IER5L: variants seen among roughly 807,000 people sequenced by gnomAD.
The protein encoded by IER5L is immediate early response 5 like.
A neutral mutation model predicts 28.3 loss-of-function variants in IER5L; 6 were observed. The observed-to-expected ratio is 0.21, with a 90% confidence interval of 0.12 to 0.42. The LOEUF is 0.42. Among genes scored for constraint, IER5L ranks in the 10% least tolerant of loss-of-function variants. IER5L has a pLI of 1.00. For missense variants in IER5L, 607 were observed against 575.2 expected (o/e 1.06, Z -0.56); for synonymous variants, 351 against 282.5 (o/e 1.24, Z -2.43).
chr9:129,177,339 GC>G lies in IER5L; in HGVS notation c.713del (p.Gly238AlafsTer22). 1 of 1,311,466 alleles carries G rather than the reference GC, an allele frequency of 7.6e-7. No homozygotes were observed. Among genetic ancestry groups the G allele is most frequent in the Non-Finnish European group, 9.7e-7 (1 of 1,028,144 alleles). The allele number at this position is 1,311,466 out of a possible 1,614,324, so 81.2% of individuals were successfully genotyped here. On this transcript the variant is annotated frameshift_variant, in exon 1 of 1. Coordinates refer to ENST00000372491, the MANE Select transcript of IER5L (RefSeq NM_203434.3). LOFTEE classifies it high-confidence loss of function. Reference sequence around the variant, plus strand: ...CGAAGTCCGAAGGGGTAGGGTATGCGCCCCGGTAGAAGCCGGGGGAGGAGGC... The same window carrying G: ...CGAAGTCCGAAGGGGTAGGGTATGCGCCCGGTAGAAGCCGGGGGAGGAGGC... Reference protein sequence around the residue: ...APASSPGFYRGAYPTPSDFGL... With the variant: ...APASSPGFYRXAYPTPSDFGL...
At position 129,177,786 on chromosome 9, in the gene IER5L, G is replaced by C; in HGVS notation, c.267C>G (p.Phe89Leu). The C allele has an allele frequency of 6.7e-7, 1 of 1,489,772 alleles. No homozygotes were observed. The highest frequency in any genetic ancestry group is 1.3e-5 in the South Asian group (1 of 78,746). 92.3% of individuals were successfully genotyped at this position (1,489,772 alleles called of 1,614,324 possible). A position where few individuals can be genotyped will look rare whatever the true frequency, so the allele number is the denominator to read the frequency against. ...CGCCGCCGCCAAGTTGGAGCGGGCC[G>C]AAGTCGGCCGCGCTGGCCGGCATGC... ...APGMPASAAD[F>L]GPLQLGGGGD... is the part of the protein sequence containing the mutation. The change falls in exon 1 of 1, where the codon TTC (phenylalanine) becomes TTG (leucine). Residue 89 changes from phenylalanine (F) to leucine (L), a missense_variant. Transcript: ENST00000372491.
Position 129,177,847 on chromosome 9 carries a change from T to C in IER5L, c.206A>G (p.His69Arg). ...QQQQQQQQPP[H>R]HQHQHLAYAA... ...GTACGCTAGGTGCTGGTGCTGGTGG[T>C]GGGGCGGCTGCTGCTGTTGCTGCTG... The change falls in exon 1 of 1, where the codon CAC becomes CGC. Residue 69 changes from histidine (H) to arginine (R), a missense_variant. Physicochemically the swap from His to Arg is conservative, Grantham distance 29 (BLOSUM62 0). Transcript: ENST00000372491. The C allele has an allele frequency of 6.5e-7, 1 of 1,539,126 alleles. No homozygotes were observed. Among genetic ancestry groups the C allele is most frequent in the Non-Finnish European group, 8.7e-7 (1 of 1,143,624 alleles).
chr9:129,178,103 G>A lies in IER5L; in HGVS notation c.-51C>T, dbSNP rs1829443527. The A allele has an allele frequency of 7.4e-7, 1 of 1,344,174 alleles. No individual in the cohort carries two copies. Among genetic ancestry groups the A allele is most frequent in the South Asian group, 1.9e-5 (1 of 53,714 alleles). 83.3% of individuals were successfully genotyped at this position (1,344,174 alleles called of 1,614,324 possible). On this transcript the variant is annotated 5_prime_UTR_variant, in exon 1 of 1. Transcript: ENST00000372491. ...AGCCGCCGCCGCTGCTGCTGTTAAC[G>A]CTTCTGCTGTTTCTGCCTCCAGCCG...
At position 129,177,962 on chromosome 9, in the gene IER5L, G is replaced by A; in HGVS notation, c.91C>T (p.His31Tyr). The A allele has an allele frequency of 6.3e-7, 1 of 1,591,788 alleles. No homozygotes were observed. The highest frequency in any genetic ancestry group is 1.7e-5 in the Admixed American group (1 of 57,640). The change falls in exon 1 of 1, where the codon CAC (histidine) becomes TAC (tyrosine). Residue 31 changes from histidine (H) to tyrosine (Y), a missense_variant. Physicochemically the swap from His to Tyr is moderately conservative, Grantham distance 83 (BLOSUM62 2). Coordinates refer to ENST00000372491, the MANE Select transcript of IER5L (RefSeq NM_203434.3). ...SRTQRGGIKL[H>Y]KNLLVSYVLR... Reference sequence around the variant, plus strand: ...ACGTAGGACACCAGGAGGTTCTTGTGCAGCTTGATGCCGCCGCGCTGGGTT... The same window carrying A: ...ACGTAGGACACCAGGAGGTTCTTGTACAGCTTGATGCCGCCGCGCTGGGTT...
chr9:129,176,732 C>G lies in IER5L; in HGVS notation c.*106G>C, dbSNP rs1829408821. The G allele has an allele frequency of 7.3e-7, 1 of 1,373,048 alleles. No individual in the cohort carries two copies. The highest frequency in any genetic ancestry group is 9.4e-7 in the Non-Finnish European group (1 of 1,064,246). 85.1% of individuals were successfully genotyped at this position (1,373,048 alleles called of 1,614,324 possible). ...CTGCCCCCGCTCGCCCCCAGCTCAG[C>G]CCCGAGTGGCCCGGCGCCCGCTCGT... On this transcript the variant is annotated 3_prime_UTR_variant, in exon 1 of 1. Coordinates refer to ENST00000372491, the MANE Select transcript of IER5L (RefSeq NM_203434.3).
rs1829438386 is a variant in IER5L at position 129,177,834 on chromosome 9, C to G, written c.219G>C (p.Gln73His). 1 of 1,535,696 alleles carries G rather than the reference C, an allele frequency of 6.5e-7. No homozygotes were observed. The highest frequency in any genetic ancestry group is 2.0e-5 in the Admixed American group (1 of 50,298). The change falls in exon 1 of 1, where the codon CAG (glutamine) becomes CAC (histidine). Residue 73 changes from glutamine (Q) to histidine (H), a missense_variant. Gln to His is a conservative substitution (Grantham distance 24). Coordinates refer to ENST00000372491, the MANE Select transcript of IER5L (RefSeq NM_203434.3). ...QQQQPPHHQH[Q>H]HLAYAAPGMP... ...TGCCCGGCGCCGCGTACGCTAGGTG[C>G]TGGTGCTGGTGGTGGGGCGGCTGCT... is the stretch of plus-strand genomic sequence containing the variant.
In IER5L at chr9:129,177,624, GGCCGCCGCC is replaced by G. The variant is rs749690776; in HGVS notation, c.420_428del (p.Ala141_Ala143del). Reference sequence around the variant, plus strand: ...CCCCCGCGCCGCCCGCGGGCGCTCCGGCCGCCGCCGCCGCCGCGCAGCCCCTGGGCGCCG... The same window carrying G: ...CCCCCGCGCCGCCCGCGGGCGCTCCGGCCGCCGCGCAGCCCCTGGGCGCCG... On this transcript the variant is annotated inframe_deletion, in exon 1 of 1. Coordinates refer to ENST00000372491, the MANE Select transcript of IER5L (RefSeq NM_203434.3). 6 of 1,137,942 alleles carry G rather than the reference GGCCGCCGCC, an allele frequency of 5.3e-6. No individual in the cohort carries two copies. The highest frequency in any genetic ancestry group is 5.0e-5 in the Admixed American group (1 of 19,842). The allele number at this position is 1,137,942 out of a possible 1,614,324, so 70.5% of individuals were successfully genotyped here.
At position 129,177,145 on chromosome 9, in the gene IER5L, T is replaced by C. The variant is rs779935365; in HGVS notation, c.908A>G (p.Lys303Arg). The change falls in exon 1 of 1, where the codon AAG (lysine) becomes AGG (arginine). Residue 303 changes from lysine to arginine, a missense_variant. Physicochemically the swap from Lys to Arg is conservative, Grantham distance 26. Transcript: ENST00000372491. The stretch of plus-strand genomic sequence containing the variant: ...CTCCTCCTCCTGGCCAGGGTAATAC[T>C]TGCGCTTGCAGCCGGCGGCGGACGC... Reference protein sequence around the residue: ...GLASAAGCKRKYYPGQEEEED... With the variant: ...GLASAAGCKRRYYPGQEEEED... 4.8e-6 allele frequency: 7 copies of C among 1,463,590 alleles called. No homozygotes were observed. The highest frequency in any genetic ancestry group is 6.3e-6 in the Non-Finnish European group (7 of 1,109,950). 90.7% of individuals were successfully genotyped at this position (1,463,590 alleles called of 1,614,324 possible). A position where few individuals can be genotyped will look rare whatever the true frequency, so the allele number is the denominator to read the frequency against.
At position 129,177,161 on chromosome 9, in the gene IER5L, C is replaced by T. The variant is rs1829416949; in HGVS notation, c.892G>A (p.Ala298Thr). 1 of 1,472,572 alleles carries T rather than the reference C, an allele frequency of 6.8e-7. No individual in the cohort carries two copies. Among genetic ancestry groups the T allele is most frequent in the Non-Finnish European group, 9.0e-7 (1 of 1,115,602 alleles). The allele number at this position is 1,472,572 out of a possible 1,614,324, so 91.2% of individuals were successfully genotyped here. A position where few individuals can be genotyped will look rare whatever the true frequency, so the allele number is the denominator to read the frequency against. The change falls in exon 1 of 1, where the codon GCC (alanine) becomes ACC (threonine). Residue 298 changes from alanine (A) to threonine (T), a missense_variant. Coordinates refer to ENST00000372491, the MANE Select transcript of IER5L (RefSeq NM_203434.3). ...GGGTAATACTTGCGCTTGCAGCCGG[C>T]GGCGGACGCCAGGCCCGGTCCCGGA... ...GAPGPGLASA[A>T]GCKRKYYPGQ...
rs1219044502 is a variant in IER5L at position 129,176,802 on chromosome 9, C to A, written c.*36G>T. The A allele has an allele frequency of 6.7e-7, 1 of 1,493,062 alleles. No homozygotes were observed. Among genetic ancestry groups the A allele is most frequent in the Non-Finnish European group, 8.9e-7 (1 of 1,126,986 alleles). 92.5% of individuals were successfully genotyped at this position (1,493,062 alleles called of 1,614,324 possible). On this transcript the variant is annotated 3_prime_UTR_variant, in exon 1 of 1. Coordinates refer to ENST00000372491, the MANE Select transcript of IER5L (RefSeq NM_203434.3). ...GCCGAGTCTTTGTCTGGCCCCAGCC[C>A]CGCGGGGCCCCGGGTCCCTGTGCCC...
rs1482536100 is a variant in IER5L at position 129,175,702 on chromosome 9, C to A, written c.*1136G>T. ...TTGGCAACTCGTTTTGGAGTCCACA[C>A]GGTGCTGATGGCAGAGAACCAGAGG... On this transcript the variant is annotated 3_prime_UTR_variant, in exon 1 of 1. Coordinates refer to ENST00000372491, the MANE Select transcript of IER5L (RefSeq NM_203434.3). The surrounding 1 kb of genome is among the most constrained non-coding windows in gnomAD (Gnocchi z 5.2). The A allele has an allele frequency of 2.6e-5, 4 of 152,258 alleles. No individual in the cohort carries two copies. Among genetic ancestry groups the A allele is most frequent in the African/African-American group, 9.7e-5 (4 of 41,448 alleles). The allele number at this position is 152,258 out of a possible 1,614,324, so 9.4% of individuals were successfully genotyped here.
In IER5L at chr9:129,177,307, T is replaced by C. The variant is rs1200714445; in HGVS notation, c.746A>G (p.His249Arg). The C allele has an allele frequency of 2.1e-6, 3 of 1,421,980 alleles. No homozygotes were observed. Among genetic ancestry groups the C allele is most frequent in the East Asian group, 2.8e-5 (1 of 36,338 alleles). The allele number at this position is 1,421,980 out of a possible 1,614,324, so 88.1% of individuals were successfully genotyped here. A position where few individuals can be genotyped will look rare whatever the true frequency, so the allele number is the denominator to read the frequency against. The change falls in exon 1 of 1, where the codon CAC becomes CGC. Residue 249 changes from histidine (H) to arginine (R), a missense_variant. By Grantham distance (29) the His-to-Arg change is conservative. Transcript: ENST00000372491. ...AYPTPSDFGL[H>R]CSSQTTVLDL... Reference sequence around the variant, plus strand: ...CAGCACGGTGGTCTGGCTGCTGCAGTGCAAGCCGAAGTCCGAAGGGGTAGG... The same window carrying C: ...CAGCACGGTGGTCTGGCTGCTGCAGCGCAAGCCGAAGTCCGAAGGGGTAGG...
rs924992108 is a variant in IER5L, at chr9:129,178,233, G to A, written c.-181C>T. The A allele has an allele frequency of 5.6e-5, 27 of 478,118 alleles. No individual in the cohort carries two copies. The highest frequency in any genetic ancestry group is 7.1e-5 in the East Asian group (2 of 28,072). The allele number at this position is 478,118 out of a possible 1,614,324, so 29.6% of individuals were successfully genotyped here. A position where few individuals can be genotyped will look rare whatever the true frequency, so the allele number is the denominator to read the frequency against. On this transcript the variant is annotated 5_prime_UTR_variant, in exon 1 of 1. Coordinates refer to ENST00000372491, the MANE Select transcript of IER5L (RefSeq NM_203434.3). ...CGCCGCGCGCCACCCGCGGGCTCGC[G>A]CTCCCCAGACGGCGCCAAAGCAATG...
rs1385323061 is a variant in IER5L at position 129,176,889 on chromosome 9, C to T, written c.1164G>A (p.Lys388=). 1.2e-6 allele frequency: 2 copies of T among 1,601,578 alleles called. No homozygotes were observed. The highest frequency in any genetic ancestry group is 1.7e-6 in the Non-Finnish European group (2 of 1,175,340). ...PPPLNGQLCA[K]QALASLGAWT... is the part of the protein sequence containing the mutation. ...AGGCGCCGAGGCTGGCGAGCGCCTG[C>T]TTGGCGCACAGCTGCCCGTTGAGCG... The change falls in exon 1 of 1, where the codon AAG becomes AAA. Residue 388 remains lysine (K), a synonymous_variant. Transcript: ENST00000372491.
At position 129,178,112 on chromosome 9, in the gene IER5L, G is replaced by A. The variant is rs1304311253; in HGVS notation, c.-60C>T. Reference sequence around the variant, plus strand: ...CGCTGCTGCTGTTAACGCTTCTGCTGTTTCTGCCTCCAGCCGGCCGCCGGG... The same window carrying A: ...CGCTGCTGCTGTTAACGCTTCTGCTATTTCTGCCTCCAGCCGGCCGCCGGG... On this transcript the variant is annotated 5_prime_UTR_variant, in exon 1 of 1. Coordinates refer to ENST00000372491, the MANE Select transcript of IER5L (RefSeq NM_203434.3). The A allele has an allele frequency of 7.6e-7, 1 of 1,324,070 alleles. No individual in the cohort carries two copies. 82.0% of individuals were successfully genotyped at this position (1,324,070 alleles called of 1,614,324 possible). A position where few individuals can be genotyped will look rare whatever the true frequency, so the allele number is the denominator to read the frequency against.
chr9:129,177,488 G>A lies in IER5L; in HGVS notation c.565C>T (p.Leu189=). ...AGCGCAGCGGGCGCGGGCGGCGGCA[G>A]CGGCAGCGGCAGCGGCGCAGGACCC... The part of the protein sequence containing the change: ...QPGPAPLPLP[L]PPPAPAALCP... Residue 189 remains leucine, a synonymous_variant, in exon 1 of 1, where the codon CTG becomes TTG. Transcript: ENST00000372491. 4 of 989,308 alleles carry A rather than the reference G, an allele frequency of 4.0e-6. No individual in the cohort carries two copies. The highest frequency in any genetic ancestry group is 8.9e-5 in the South Asian group (2 of 22,384). The allele number at this position is 989,308 out of a possible 1,614,324, so 61.3% of individuals were successfully genotyped here.
Position 129,177,874 on chromosome 9 carries a change from T to A in IER5L, c.179A>T (p.Gln60Leu), listed in dbSNP as rs1196598068. ...ERYAELYRRQ[Q>L]QQQQQQPPHH... is the part of the protein sequence containing the mutation. ...GGGCGGCTGCTGCTGTTGCTGCTGC[T>A]GCTGGCGCCGGTAGAGCTCGGCGTA... The change falls in exon 1 of 1, where the codon CAG becomes CTG. Residue 60 changes from glutamine to leucine, a missense_variant. Coordinates refer to ENST00000372491, the MANE Select transcript of IER5L (RefSeq NM_203434.3). The A allele has an allele frequency of 6.5e-7, 1 of 1,544,512 alleles. No homozygotes were observed. The highest frequency in any genetic ancestry group is 8.7e-7 in the Non-Finnish European group (1 of 1,145,522).
chr9:129,175,794 AG>A lies in IER5L; in HGVS notation c.*1043del, dbSNP rs2131661216. On this transcript the variant is annotated 3_prime_UTR_variant, in exon 1 of 1. Coordinates refer to ENST00000372491, the MANE Select transcript of IER5L (RefSeq NM_203434.3). This position sits in a 1 kb window ranked among gnomAD's most constrained non-coding sequence, Gnocchi z 5.2. ...AAATTAAACAAATCTATCGAGCTGA[AG>A]ACACAGGACGGGGTTCTCACAGGCT... is the stretch of plus-strand genomic sequence containing the variant. 1 of 152,310 alleles carries A rather than the reference AG, an allele frequency of 6.6e-6. No homozygotes were observed. The highest frequency in any genetic ancestry group is 2.4e-5 in the African/African-American group (1 of 41,542). 9.4% of individuals were successfully genotyped at this position (152,310 alleles called of 1,614,324 possible).
Position 129,177,582 on chromosome 9 carries a change from G to T in IER5L, c.471C>A (p.Pro157=). ...GCGGCGGCTGGAGCGCGGCGCACCC[G>T]GGCAGCTCCGAGAGCGCCCCCGCGC... The part of the protein sequence containing the change: ...AGGAGALSEL[P]GCAALQPPHG... The change falls in exon 1 of 1, where the codon CCC becomes CCA. Residue 157 remains proline (P), a synonymous_variant. Coordinates refer to ENST00000372491, the MANE Select transcript of IER5L (RefSeq NM_203434.3). 1.0e-6 allele frequency: 1 copy of T among 993,410 alleles called. No homozygotes were observed. The highest frequency in any genetic ancestry group is 4.5e-5 in the South Asian group (1 of 22,194). The allele number at this position is 993,410 out of a possible 1,614,324, so 61.5% of individuals were successfully genotyped here. A position where few individuals can be genotyped will look rare whatever the true frequency, so the allele number is the denominator to read the frequency against.
Sources: gnomAD v4.1 joint callset for allele counts on GRCh38, gnomAD v4.1.1 for gene constraint, Gnocchi (gnomAD v3.1) non-coding constraint, MANE v1.5 for transcripts, NCBI Gene and HGNC (gene_info 2026-07-23, HGNC 2026-07-21) for gene names.